The following COL28A1 variants were observed in gnomAD, a reference collection of about 807,000 sequenced individuals.
COL28A1 encodes collagen alpha-1(XXVIII) chain.
COL28A1 carries 161 observed loss-of-function variants against 150.2 expected under a neutral mutation model. The observed-to-expected ratio is 1.07, with a 90% confidence interval of 0.94 to 1.22. The LOEUF (loss-of-function observed/expected upper bound fraction) is 1.22. Ranked by LOEUF, COL28A1 falls within the 50% of genes most tolerant of loss-of-function variation. COL28A1 has a pLI of 0.00. For missense variants in COL28A1, 1,617 were observed against 1,388.3 expected, an observed-to-expected ratio of 1.16 and a Z score of -2.62; for synonymous variants, 552 against 469.7, an observed-to-expected ratio of 1.18 and a Z score of -2.26.
At chr7:7,535,121 C>A in intron 1 of COL28A1, among the ~76,000 whole-genome samples, 1 of 152,052 alleles carries the variant, frequency 6.6e-6, no homozygotes. Context: ...GGAAACAGTG[C>A]CATTAGTTAA....
chr7:7,373,361 C>T lies in COL28A1; in HGVS notation c.2545G>A (p.Val849Met). Residue 849 changes from valine to methionine, a missense_variant, in exon 32 of 35, where the codon GTG becomes ATG. Coordinates refer to ENST00000399429, the MANE Select transcript of COL28A1 (RefSeq NM_001037763.3). This position sits in a 1 kb window ranked among gnomAD's most constrained non-coding sequence, Gnocchi z 4.1. The part of the protein sequence containing the change: ...IINYSHKVEK[V>M]ANLKQFSSKD... ...CTGGAGAACTGCTTCAAATTAGCCA[C>T]CTTCTCCACCTTATGGCTATAGTTG... The T allele has an allele frequency of 6.2e-7, 1 of 1,614,204 alleles. No homozygotes were observed. Among genetic ancestry groups the T allele is most frequent in the Non-Finnish European group, 8.5e-7 (1 of 1,180,040 alleles).
chr7:7,498,330 T>C (rs1241946919), intron 11 of COL28A1, among the ~76,000 whole-genome samples: 1 of 152,110 alleles, frequency 6.6e-6, no homozygotes, highest in Non-Finnish European at 1.5e-5. Flanking sequence ...CAGCACAAAA[T>C]GAGTTGCTGG....
At chr7:7,450,693 C>T (rs1298444903) in intron 18 of COL28A1, among the ~76,000 whole-genome samples, 1 of 152,210 alleles carries the variant, frequency 6.6e-6, no homozygotes, top group African/African-American at 2.4e-5. Flanking sequence ...AGTCAAGAAA[C>T]TTGTCCTCCA....
intron 29 of COL28A1, 33 bp downstream of exon 29, chr7:7,380,749 T>A: frequency 6.2e-7 from 1 of 1,612,678 alleles, no homozygotes; most frequent in Non-Finnish European, 8.5e-7. Flanking sequence ...AGTTAGAGTA[T>A]AAAATCACAG....
At chr7:7,503,167 G>A (rs912761971) in intron 11 of COL28A1, among the ~76,000 whole-genome samples, 35 of 152,298 alleles carry the variant, frequency 2.3e-4, no homozygotes, top group Non-Finnish European at 4.7e-4. Context: ...TTTTCCTAAA[G>A]GGATAAATAT....
At chr7:7,381,709 A>C in intron 27 of COL28A1, 97 bp from the exon 28 acceptor site, 1 of 768,502 alleles carries the variant, frequency 1.3e-6, no homozygotes, top group East Asian at 2.5e-5. Flanking sequence ...AAACTGCATT[A>C]TAGTATTATC....
chr7:7,462,106 T>A (rs975277312), intron 15 of COL28A1, among the ~76,000 whole-genome samples: 1 of 152,142 alleles, frequency 6.6e-6, no homozygotes. Context: ...ACTTGCTGGA[T>A]GGCTAGATCC....
intron 18 of COL28A1, among the ~76,000 whole-genome samples, chr7:7,446,389 C>A (rs888655993): frequency 4.0e-5 from 6 of 151,560 alleles, no homozygotes; most frequent in African/African-American, 1.5e-4. Flanking sequence ...TATATAAATG[C>A]TGTAAAAAGA....
chr7:7,517,054 C>T (rs1014783764), intron 7 of COL28A1, among the ~76,000 whole-genome samples: 1 of 152,146 alleles, frequency 6.6e-6, no homozygotes, highest in African/African-American at 2.4e-5. Flanking sequence ...TACTTGTATG[C>T]TTTATATGTA....
At chr7:7,344,330 C>A in the COL28A1 span, among the ~76,000 whole-genome samples, 6 of 151,948 alleles carry the variant, frequency 3.9e-5, no homozygotes, top group African/African-American at 7.2e-5. Context: ...TTTCCTGCCT[C>A]CTTTTGTATT....
chr7:7,482,572 A>T (rs1009330999), intron 13 of COL28A1, among the ~76,000 whole-genome samples: 13 of 151,546 alleles, frequency 8.6e-5, no homozygotes, highest in Non-Finnish European at 1.5e-5. Context: ...TTATAATGAC[A>T]TTTTGGTGCA....
intron 18 of COL28A1, among the ~76,000 whole-genome samples, chr7:7,446,921 T>G (rs1172363772): frequency 2.0e-5 from 3 of 152,180 alleles, no homozygotes; most frequent in Non-Finnish European, 4.4e-5. Context: ...ATCTTGAGTA[T>G]TCAGCTGAAT....
chr7:7,488,757 G>T (rs903982252), intron 13 of COL28A1, among the ~76,000 whole-genome samples: 5 of 152,104 alleles, frequency 3.3e-5, no homozygotes, highest in African/African-American at 1.2e-4. Context: ...TTTTCTCATG[G>T]TTACAAAGAA....
chr7:7,504,895 G>C (rs78526679), intron 11 of COL28A1, among the ~76,000 whole-genome samples: 2,614 of 152,200 alleles, frequency 0.017, 68 homozygotes, highest in African/African-American at 0.06. Context: ...AAATTGTGTG[G>C]TCTGTCAAAA....
In COL28A1 at chr7:7,531,353, G is replaced by T; in HGVS notation, c.676C>A (p.Arg226Ser). 7.1e-7 allele frequency: 1 copy of T among 1,413,726 alleles called. No individual in the cohort carries two copies. The highest frequency in any genetic ancestry group is 9.8e-7 in the Non-Finnish European group (1 of 1,023,652). The allele number at this position is 1,413,726 out of a possible 1,614,324, so 87.6% of individuals were successfully genotyped here. ...DPTLVDKIQD[R>S]LDILFEKKCE... The stretch of plus-strand genomic sequence containing the variant: ...TCAACCCATTAGGTACCTACCAGAC[G>T]ATCTTGAATTTTATCTACAAGGGTT... Residue 226 changes from arginine (R) to serine (S), a missense_variant, in exon 3 of 35, where the codon CGT (arginine) becomes AGT (serine). By Grantham distance (110) the Arg-to-Ser change is moderately radical. Transcript: ENST00000399429.
At chr7:7,443,391 T>G (rs139019574) in intron 20 of COL28A1, among the ~76,000 whole-genome samples, 194 bp downstream of exon 20, 419 of 152,040 alleles carry the variant, frequency 2.8e-3, no homozygotes, top group African/African-American at 8.5e-3. Flanking sequence ...GGTCTTACAA[T>G]AGACGTTAGG....
At chr7:7,360,566 A>G (rs1272134981) in intron 33 of COL28A1, 38 bp from the exon 34 acceptor site, 2 of 1,567,066 alleles carry the variant, frequency 1.3e-6, no homozygotes, top group Non-Finnish European at 1.7e-6. Context: ...TTCTGATAAT[A>G]TCAAGTAAAA....
intron 15 of COL28A1, among the ~76,000 whole-genome samples, chr7:7,471,125 TAAAA>T (rs746981344): frequency 5.6e-5 from 5 of 88,524 alleles, no homozygotes; most frequent in African/African-American, 2.1e-4. Context: ...AAAAAATAAT[TAAAA>T]AAAAAAAAAA....
chr7:7,495,047 C>G (rs1462385047), intron 11 of COL28A1, among the ~76,000 whole-genome samples: 1 of 152,088 alleles, frequency 6.6e-6, no homozygotes, highest in African/African-American at 2.4e-5. Context: ...CTGTCTGGAG[C>G]AGCATGGTCC....
Sources: gnomAD v4.1 joint callset for allele counts (sites outside exome capture counted in the v4.1 genomes callset) on GRCh38, gnomAD v4.1.1 for gene constraint, Gnocchi (gnomAD v3.1) non-coding constraint, MANE v1.5 for transcripts, NCBI Gene and HGNC (gene_info 2026-07-23, HGNC 2026-07-21) for gene names.